The following NEGR1 variants were observed in gnomAD, a reference collection of about 807,000 sequenced individuals.
NEGR1 encodes IgLON family member 4.
NEGR1 carries 10 observed loss-of-function variants against 40.9 expected under a neutral mutation model. That is an observed-to-expected ratio of 0.24 (90% CI 0.15 to 0.42). NEGR1 has a LOEUF of 0.42. Ranked by LOEUF, NEGR1 falls within the 10% of genes least tolerant of loss-of-function variation. The pLI is 1.00. For missense variants in NEGR1, 352 were observed against 438.9 expected, an observed-to-expected ratio of 0.80 and a Z score of 1.77; for synonymous variants, 185 against 166.8, an observed-to-expected ratio of 1.11 and a Z score of -0.84.
chr1:72,056,481 A>C (rs1647111615), intron 1 of NEGR1, among the ~76,000 whole-genome samples: 1 of 151,288 alleles, frequency 6.6e-6, no homozygotes, highest in Admixed American at 6.6e-5. Flanking sequence ...CTGTTAGTGT[A>C]TTTCCAGATT....
chr1:71,576,121 T>C (rs758692090), intron 6 of NEGR1, among the ~76,000 whole-genome samples: 1 of 152,036 alleles, frequency 6.6e-6, no homozygotes, highest in Non-Finnish European at 1.5e-5. Flanking sequence ...AACTTGAGAG[T>C]TCTTCCCAGA....
intron 2 of NEGR1, among the ~76,000 whole-genome samples, chr1:71,881,516 T>C (rs184418702): frequency 1.3e-5 from 2 of 152,226 alleles, no homozygotes; most frequent in Admixed American, 6.5e-5. Context: ...TTATCTGTTA[T>C]TGTGCCTATT....
intron 2 of NEGR1, among the ~76,000 whole-genome samples, chr1:71,802,346 G>T (rs1276435156): frequency 6.6e-6 from 1 of 152,172 alleles, no homozygotes; most frequent in Non-Finnish European, 1.5e-5. Flanking sequence ...ATTGCCCATG[G>T]ATTTAATCAG....
intron 6 of NEGR1, among the ~76,000 whole-genome samples, chr1:71,580,695 T>C (rs947759001): frequency 6.6e-6 from 1 of 152,110 alleles, no homozygotes. Context: ...AATGTATAAA[T>C]CCCTACCAGG....
intron 2 of NEGR1, among the ~76,000 whole-genome samples, chr1:71,869,909 T>G (rs2101831922): frequency 6.7e-6 from 1 of 149,912 alleles, no homozygotes; most frequent in East Asian, 2.0e-4. Flanking sequence ...TGACAGAGTC[T>G]CCCTCTGTCA....
At chr1:71,597,041 A>C (rs556773919) in intron 5 of NEGR1, among the ~76,000 whole-genome samples, 1 of 152,184 alleles carries the variant, frequency 6.6e-6, no homozygotes, top group Non-Finnish European at 1.5e-5. Flanking sequence ...CTTGAATCAT[A>C]AAAGTTTTAT....
intron 2 of NEGR1, chr1:71,836,945 G>A (rs1451763911): frequency 1.3e-5 from 2 of 151,988 alleles, no homozygotes; most frequent in Admixed American, 6.6e-5. Context: ...GAGGGAGGGA[G>A]GAAGAAAACA....
intron 4 of NEGR1, among the ~76,000 whole-genome samples, chr1:71,652,971 A>T (rs188007898): frequency 6.6e-6 from 1 of 152,264 alleles, no homozygotes; most frequent in Admixed American, 6.5e-5. Context: ...AATATTTGAA[A>T]TCATCTTGTC....
chr1:71,701,821 T>A (rs930132597), intron 3 of NEGR1, among the ~76,000 whole-genome samples: 2 of 152,104 alleles, frequency 1.3e-5, no homozygotes, highest in South Asian at 4.1e-4. Context: ...GCTGAAGTTA[T>A]TAATCTCTCT....
intron 1 of NEGR1, among the ~76,000 whole-genome samples, chr1:72,134,324 G>C (rs1650367959): frequency 1.3e-5 from 2 of 150,800 alleles, no homozygotes; most frequent in South Asian, 4.2e-4. Context: ...TCCTGCCTTA[G>C]CCTCCTGAGT....
chr1:71,629,262 A>T (rs1389108713), intron 4 of NEGR1, among the ~76,000 whole-genome samples: 1 of 144,528 alleles, frequency 6.9e-6, no homozygotes, highest in African/African-American at 2.8e-5. Context: ...TGGGGTTGTT[A>T]AAAAAAAAGA....
chr1:71,463,509 G>A (rs553783572), intron 6 of NEGR1: 3 of 152,214 alleles, frequency 2.0e-5, no homozygotes, highest in Admixed American at 1.3e-4. Flanking sequence ...AATGTGTAGA[G>A]GTTCCTGAGT....
intron 6 of NEGR1, among the ~76,000 whole-genome samples, chr1:71,450,137 C>T (rs1318468497): frequency 1.3e-5 from 2 of 151,706 alleles, no homozygotes; most frequent in Admixed American, 6.6e-5. Context: ...ATTACATGGG[C>T]GTGCCACCAC....
rs187748647 is a variant in NEGR1, at chr1:71,706,792, A to G, written c.536-8653T>C. On this transcript the variant is annotated intron_variant, in intron 3 of 6. Transcript: ENST00000357731. Reference sequence around the variant, plus strand: ...TTAAAGGAAAGGACCCAATCCTGCCAGCATTCATCACCTGCTAACTAAGGA... The same window carrying G: ...TTAAAGGAAAGGACCCAATCCTGCCGGCATTCATCACCTGCTAACTAAGGA... Among the ~76,000 whole-genome samples the G allele has an allele frequency of 1.3e-3, 204 of 152,052 alleles. 1 individual carries two copies. Among genetic ancestry groups the G allele is most frequent in the East Asian group, 9.7e-4 (5 of 5,130 alleles).
intron 1 of NEGR1, among the ~76,000 whole-genome samples, chr1:72,079,013 A>C (rs1193137126): frequency 1.3e-5 from 2 of 151,072 alleles, no homozygotes; most frequent in Non-Finnish European, 2.9e-5. Flanking sequence ...TAATCAAATG[A>C]TAAATGAGGT....
chr1:72,024,003 A>G (rs554843088), intron 1 of NEGR1, among the ~76,000 whole-genome samples: 3 of 152,264 alleles, frequency 2.0e-5, no homozygotes, highest in East Asian at 1.9e-4. Context: ...AATAACCTTT[A>G]GAAGCATTAT....
At chr1:71,719,724 C>T (rs1416832869) in intron 3 of NEGR1, among the ~76,000 whole-genome samples, 1 of 151,914 alleles carries the variant, frequency 6.6e-6, no homozygotes, top group African/African-American at 2.4e-5. Context: ...TTTGCTACAC[C>T]CATCAACTCG....
At chr1:71,691,894 A>C (rs972110025) in intron 4 of NEGR1, among the ~76,000 whole-genome samples, 1 of 150,932 alleles carries the variant, frequency 6.6e-6, no homozygotes, top group African/African-American at 2.4e-5. Flanking sequence ...TAATTTTAGA[A>C]ATCTGTTGAA....
At chr1:71,950,690 A>G (rs1051922445) in intron 1 of NEGR1, among the ~76,000 whole-genome samples, 2 of 151,990 alleles carry the variant, frequency 1.3e-5, no homozygotes, top group Admixed American at 1.3e-4. Context: ...TGCCTTGTAA[A>G]AGCCATGTTA....
Sources: allele counts gnomAD v4.1 joint callset (sites outside exome capture counted in the v4.1 genomes callset), GRCh38; gene constraint gnomAD v4.1.1; transcripts MANE v1.5; gene names NCBI Gene and HGNC (gene_info 2026-07-23, HGNC 2026-07-21).